The following CALD1 variants were observed in gnomAD, a reference collection of about 807,000 sequenced individuals.
The protein encoded by CALD1 is caldesmon 1.
A neutral mutation model predicts 99.9 loss-of-function variants in CALD1; 33 were observed. The ratio of observed to expected loss-of-function variants is 0.33; its 90% CI spans 0.25 to 0.44. The LOEUF (loss-of-function observed/expected upper bound fraction) is 0.44. Among genes scored for constraint, CALD1 ranks in the 20% least tolerant of loss-of-function variants. The probability of loss-of-function intolerance (pLI) is 1.00; values close to 1 mark genes in which losing one functional copy is unlikely to be tolerated. For synonymous variants in CALD1, 310 were observed against 325.0 expected, an observed-to-expected ratio of 0.95 and a Z score of 0.50; for missense variants, 861 against 962.1, an observed-to-expected ratio of 0.89 and a Z score of 1.39.
the CALD1 span, among the ~76,000 whole-genome samples, chr7:134,722,121 T>A: frequency 6.6e-6 from 1 of 152,206 alleles, no homozygotes; most frequent in African/African-American, 2.4e-5. Flanking sequence ...CTTTACTGTA[T>A]GATTTGTGCA....
intron 1 of CALD1, among the ~76,000 whole-genome samples, chr7:134,793,872 C>G (rs1797640291): frequency 6.6e-6 from 1 of 151,840 alleles, no homozygotes; most frequent in South Asian, 2.1e-4. Flanking sequence ...ATTTCAACCC[C>G]AAGAAGCTTT....
intron 1 of CALD1, among the ~76,000 whole-genome samples, chr7:134,770,528 TC>T (rs1443435041): frequency 1.3e-5 from 2 of 152,074 alleles, no homozygotes; most frequent in African/African-American, 4.8e-5. Flanking sequence ...GTGTGTCGCT[TC>T]CATCCCTGCC....
intron 2 of CALD1, among the ~76,000 whole-genome samples, chr7:134,863,394 C>T (rs571721633): frequency 6.6e-6 from 1 of 152,374 alleles, no homozygotes; most frequent in South Asian, 2.1e-4. Flanking sequence ...ATTCCAAGAT[C>T]AATACTGGCA....
intron 14 of CALD1, among the ~76,000 whole-genome samples, chr7:134,966,216 A>G (rs2133297217): frequency 6.6e-6 from 1 of 152,350 alleles, no homozygotes; most frequent in Admixed American, 6.5e-5. Flanking sequence ...AGAGCACATC[A>G]ACGGCAACTA....
chr7:134,734,060 A>G, the CALD1 span, among the ~76,000 whole-genome samples: 1 of 152,054 alleles, frequency 6.6e-6, no homozygotes, highest in Admixed American at 6.6e-5. Flanking sequence ...CAGTGACATT[A>G]CCAGAGCCTT....
chr7:134,766,442 G>A (rs1386971079), intron 1 of CALD1, among the ~76,000 whole-genome samples: 1 of 151,922 alleles, frequency 6.6e-6, no homozygotes, highest in Non-Finnish European at 1.5e-5. Context: ...CACCGCACCC[G>A]GCCTCCTCTT....
At chr7:134,804,004 T>C (rs1798043101) in intron 1 of CALD1, among the ~76,000 whole-genome samples, 1 of 152,208 alleles carries the variant, frequency 6.6e-6, no homozygotes, top group Admixed American at 6.5e-5. Context: ...CCAGGCATGG[T>C]TCTATTTCTA....
chr7:134,855,465 C>A (rs1214555429), intron 2 of CALD1, among the ~76,000 whole-genome samples: 3 of 152,160 alleles, frequency 2.0e-5, no homozygotes, highest in Admixed American at 2.0e-4. Context: ...TAGTTTCTTG[C>A]TTTGTATACT....
chr7:134,784,999 C>T (rs1797251576), intron 1 of CALD1, among the ~76,000 whole-genome samples: 1 of 152,164 alleles, frequency 6.6e-6, no homozygotes, highest in Non-Finnish European at 1.5e-5. Flanking sequence ...ATCAAAGGCA[C>T]AGGCGCGCCT....
chr7:134,948,954 A>C (rs960619738), intron 8 of CALD1, among the ~76,000 whole-genome samples: 67 of 151,992 alleles, frequency 4.4e-4, no homozygotes, highest in African/African-American at 1.5e-3. Context: ...CAATCTCGGA[A>C]CACACCCAGT....
At chr7:134,793,869 C>T (rs1164250072) in intron 1 of CALD1, among the ~76,000 whole-genome samples, 1 of 151,800 alleles carries the variant, frequency 6.6e-6, no homozygotes, top group Admixed American at 6.6e-5. Context: ...TTTATTTCAA[C>T]CCCAAGAAGC....
intron 1 of CALD1, among the ~76,000 whole-genome samples, chr7:134,835,405 T>G (rs1369465453): frequency 6.6e-6 from 1 of 152,170 alleles, no homozygotes; most frequent in Non-Finnish European, 1.5e-5. Context: ...TAATTCCACT[T>G]AGGGTGTTAT....
At chr7:134,767,973 C>A (rs949597416) in intron 1 of CALD1, among the ~76,000 whole-genome samples, 4 of 152,142 alleles carry the variant, frequency 2.6e-5, no homozygotes, top group Admixed American at 6.5e-5. Context: ...ACTCAGATAC[C>A]CATTGGAGAC....
chr7:134,808,299 C>T (rs1241649611), intron 1 of CALD1, among the ~76,000 whole-genome samples: 2 of 150,722 alleles, frequency 1.3e-5, no homozygotes, highest in Admixed American at 1.3e-4. Context: ...GTAGAGACAA[C>T]GTCTCACTAT....
At chr7:134,772,836 G>A (rs11976001) in intron 1 of CALD1, among the ~76,000 whole-genome samples, 88,076 of 151,594 alleles carry the variant, frequency 0.58, 26,735 homozygotes, top group East Asian at 0.88. Context: ...CACTGCTGCC[G>A]TCTCTAATGG....
intron 3 of CALD1, chr7:134,891,303 C>A: frequency 2.1e-6 from 2 of 956,526 alleles, no homozygotes; most frequent in Non-Finnish European, 2.6e-6. Flanking sequence ...ACTCCCGAAG[C>A]AATCAGTGCT....
chr7:134,756,143 G>A (rs557258574), intron 1 of CALD1, among the ~76,000 whole-genome samples: 4 of 151,612 alleles, frequency 2.6e-5, no homozygotes, highest in South Asian at 4.2e-4. Flanking sequence ...CACCCGCCAC[G>A]GCCTCCCAAA....
intron 2 of CALD1, among the ~76,000 whole-genome samples, chr7:134,851,655 G>A (rs1800087637): frequency 1.3e-5 from 2 of 152,120 alleles, no homozygotes; most frequent in South Asian, 4.1e-4. Flanking sequence ...CCACATCACT[G>A]TCATCCATGC....
At position 134,947,616 on chromosome 7, in the gene CALD1, G is replaced by A; in HGVS notation, c.1641G>A (p.Glu547=). 1.3e-6 allele frequency: 2 copies of A among 1,564,772 alleles called. No homozygotes were observed. The highest frequency in any genetic ancestry group is 8.7e-7 in the Non-Finnish European group (1 of 1,154,250). The part of the protein sequence containing the change: ...EELRRRRGET[E]SEEFEKLKQK... ...TTCGTCGTCGTCGCGGGGAGACCGA[G>A]AGCGAAGAGTTCGAGAAGCTCAAAC... is the stretch of plus-strand genomic sequence containing the variant. The change falls in exon 8 of 15, where the codon GAG becomes GAA. Residue 547 remains glutamate (E), a synonymous_variant. Coordinates refer to ENST00000361675, the MANE Select transcript of CALD1 (RefSeq NM_033138.4).
Sources: gnomAD v4.1 joint callset for allele counts (sites outside exome capture counted in the v4.1 genomes callset) on GRCh38, gnomAD v4.1.1 for gene constraint, MANE v1.5 for transcripts, NCBI Gene and HGNC (gene_info 2026-07-23, HGNC 2026-07-21) for gene names.